ZFHX3: variants seen among roughly 807,000 people sequenced by gnomAD.
ZFHX3 encodes the protein zinc finger homeobox protein 3.
A neutral mutation model predicts 279.1 loss-of-function variants in ZFHX3; 42 were observed. The ratio of observed to expected loss-of-function variants is 0.15; its 90% CI spans 0.12 to 0.19. ZFHX3 has a LOEUF of 0.19. Ranked by LOEUF, ZFHX3 falls within the 10% of genes least tolerant of loss-of-function variation. ZFHX3 has a pLI of 1.00. For missense variants in ZFHX3, 4,981 were observed against 4,754.0 expected (o/e 1.05, Z -1.40); for synonymous variants, 2,293 against 1,957.8 (o/e 1.17, Z -4.52).
At position 73,014,723 on chromosome 16, in the gene ZFHX3, C is replaced by T. The variant is rs201457160; in HGVS notation, c.-50+33029G>A. On this transcript the variant is annotated intron_variant, in intron 1 of 9. Coordinates refer to ENST00000268489, the MANE Select transcript of ZFHX3 (RefSeq NM_006885.4). ...TGTATTTTTAGTAGAGAAGGGGTTT[C>T]ACCATGTCTTGATCTCCTGACCTCA... 1.2e-4 allele frequency among the ~76,000 whole-genome samples: 18 copies of T among 151,838 alleles called. No individual in the cohort carries two copies. The East Asian group carries it at 3.5e-3, about 30-fold the overall frequency.
At chr16:72,901,150 G>A (rs1307751749) in intron 3 of ZFHX3, among the ~76,000 whole-genome samples, 2 of 152,120 alleles carry the variant, frequency 1.3e-5, no homozygotes, top group African/African-American at 4.8e-5. Flanking sequence ...CAGGGCTGTC[G>A]CTGGCAGCGT....
chr16:73,601,439 C>T (rs890967583), intron 2 of ZFHX3, among the ~76,000 whole-genome samples: 4 of 150,280 alleles, frequency 2.7e-5, no homozygotes, highest in Non-Finnish European at 4.4e-5. Context: ...CGCTGCACTC[C>T]AGCCTGGGCG....
At chr16:72,944,152 G>A (rs1411569488) in intron 3 of ZFHX3, among the ~76,000 whole-genome samples, 1 of 152,084 alleles carries the variant, frequency 6.6e-6, no homozygotes, top group African/African-American at 2.4e-5. Flanking sequence ...GGGTGTGGTG[G>A]TGTGCACCTG....
At position 72,936,074 on chromosome 16, in the gene ZFHX3, A is replaced by G. The variant is rs867249799; in HGVS notation, c.3216+14395T>C. ...TTGACACCAGCTGCATGATCTTGCC[A>G]GGGCTGTGTCTCAGGGGTCAGTACA... is the stretch of plus-strand genomic sequence containing the variant. On this transcript the variant is annotated intron_variant, in intron 3 of 9. Coordinates refer to ENST00000268489, the MANE Select transcript of ZFHX3 (RefSeq NM_006885.4). Among the ~76,000 whole-genome samples, 3 of 152,230 alleles carry G rather than the reference A, an allele frequency of 2.0e-5. No individual in the cohort carries two copies. In the South Asian group the frequency reaches 6.2e-4, roughly 32 times the overall value.
chr16:73,350,295 G>A (rs989894969), intron 3 of ZFHX3, among the ~76,000 whole-genome samples: 5 of 152,092 alleles, frequency 3.3e-5, no homozygotes, highest in East Asian at 1.9e-4. Context: ...TAGAAAATGC[G>A]GCCGCTCCTT....
chr16:73,436,832 A>T (rs1214868228), intron 3 of ZFHX3, among the ~76,000 whole-genome samples: 1 of 152,054 alleles, frequency 6.6e-6, no homozygotes, highest in Non-Finnish European at 1.5e-5. Context: ...TGGTAGATGG[A>T]CACCAAAGTG....
chr16:73,264,704 CA>C (rs1165080496), intron 4 of ZFHX3, among the ~76,000 whole-genome samples: 1 of 151,968 alleles, frequency 6.6e-6, no homozygotes, highest in Non-Finnish European at 1.5e-5. Context: ...ACAGTGAACC[CA>C]GTTTCTAGTC....
chr16:73,439,710 G>A (rs2018053316), intron 3 of ZFHX3, among the ~76,000 whole-genome samples: 1 of 151,882 alleles, frequency 6.6e-6, no homozygotes, highest in Non-Finnish European at 1.5e-5. Context: ...CTTTCAAGAT[G>A]TTTTGCTGAT....
chr16:73,759,723 C>A (rs2053844037), intron 1 of ZFHX3, among the ~76,000 whole-genome samples: 1 of 152,100 alleles, frequency 6.6e-6, no homozygotes, highest in Non-Finnish European at 1.5e-5. Context: ...CTGGAGGATA[C>A]TTTGGTTTCC....
At chr16:73,685,159 T>C (rs908179269) in intron 1 of ZFHX3, among the ~76,000 whole-genome samples, 1 of 151,236 alleles carries the variant, frequency 6.6e-6, no homozygotes, top group Non-Finnish European at 1.5e-5. Context: ...GGACTACAGT[T>C]GCATGCCACC....
At chr16:73,048,922 G>C (rs75325253), upstream of ZFHX3, among the ~76,000 whole-genome samples, 3,251 of 152,296 alleles carry the variant, frequency 0.021, 59 homozygotes, top group Non-Finnish European at 0.032. Context: ...TACCATGTAA[G>C]CCTCCAGGCT....
At chr16:73,370,774 T>C (rs1377043103) in intron 3 of ZFHX3, among the ~76,000 whole-genome samples, 1 of 152,212 alleles carries the variant, frequency 6.6e-6, no homozygotes, top group Admixed American at 6.5e-5. Flanking sequence ...CTCCTTTCTT[T>C]TGGCACTTGA....
At chr16:73,494,463 T>C (rs1175005970) in intron 2 of ZFHX3, among the ~76,000 whole-genome samples, 1 of 152,200 alleles carries the variant, frequency 6.6e-6, no homozygotes, top group Non-Finnish European at 1.5e-5. Context: ...TTCCTCCCCA[T>C]TGGCCTTCTT....
chr16:73,727,288 G>T (rs1263150829), intron 1 of ZFHX3, among the ~76,000 whole-genome samples: 1 of 152,208 alleles, frequency 6.6e-6, no homozygotes, highest in Non-Finnish European at 1.5e-5. Flanking sequence ...AGGCATACTG[G>T]GGACCCTCTC....
chr16:72,820,010 C>T (rs530059247), intron 5 of ZFHX3, among the ~76,000 whole-genome samples: 118 of 152,328 alleles, frequency 7.7e-4, no homozygotes, highest in South Asian at 1.9e-3. Context: ...GTGCTGGCTT[C>T]CCTCGGTCAG....
intron 2 of ZFHX3, among the ~76,000 whole-genome samples, chr16:73,622,544 AGAGT>A (rs1327328674): frequency 6.6e-6 from 1 of 151,916 alleles, no homozygotes; most frequent in African/African-American, 2.4e-5. Context: ...CTTGGGCGAC[AGAGT>A]GAGACTCTGT....
At chr16:73,684,996 GC>G (rs1335837986) in intron 1 of ZFHX3, among the ~76,000 whole-genome samples, 2 of 144,180 alleles carry the variant, frequency 1.4e-5, no homozygotes, top group Admixed American at 1.4e-4. Flanking sequence ...ACTGTGCCAG[GC>G]CCAACAAGGG....
At chr16:73,712,097 G>A (rs1259199361) in intron 1 of ZFHX3, among the ~76,000 whole-genome samples, 1 of 152,236 alleles carries the variant, frequency 6.6e-6, no homozygotes, top group Non-Finnish European at 1.5e-5. Context: ...AGAGATGAGG[G>A]AGGAATGGTG....
chr16:73,334,100 A>G (rs910055605), intron 3 of ZFHX3, among the ~76,000 whole-genome samples: 2 of 152,178 alleles, frequency 1.3e-5, no homozygotes, highest in Admixed American at 1.3e-4. Flanking sequence ...AAGAGGAAGG[A>G]GAAAGGGGAC....
Sources: gnomAD v4.1 joint callset for allele counts (sites outside exome capture counted in the v4.1 genomes callset) on GRCh38, gnomAD v4.1.1 for gene constraint, MANE v1.5 for transcripts, NCBI Gene and HGNC (gene_info 2026-07-23, HGNC 2026-07-21) for gene names.